The following RUSC2 variants were observed in gnomAD, a reference collection of about 807,000 sequenced individuals.
The protein encoded by RUSC2 is AP-4 complex accessory subunit RUSC2.
A neutral mutation model predicts 122.2 loss-of-function variants in RUSC2; 34 were observed. The ratio of observed to expected loss-of-function variants is 0.28; its 90% CI spans 0.21 to 0.37. The LOEUF (loss-of-function observed/expected upper bound fraction) is 0.37, where lower values mean the gene tolerates loss of function less well. Among genes scored for constraint, RUSC2 ranks in the 10% least tolerant of loss-of-function variants. The pLI, the probability that RUSC2 is intolerant of heterozygous loss-of-function variation, is 1.00. For missense variants in RUSC2, 1,747 were observed against 1,952.4 expected (o/e 0.89, Z 1.98); for synonymous variants, 784 against 790.0 (o/e 0.99, Z 0.13).
chr9:35,552,794 A>G (rs1821926970), intron 2 of RUSC2, among the ~76,000 whole-genome samples: 2 of 152,214 alleles, frequency 1.3e-5, no homozygotes, highest in South Asian at 4.1e-4. Flanking sequence ...GGTTTTCTTA[A>G]TGAATGTCAC....
At chr9:35,521,501 A>G (rs1026249740) in intron 1 of RUSC2, among the ~76,000 whole-genome samples, 1 of 152,212 alleles carries the variant, frequency 6.6e-6, no homozygotes, top group Non-Finnish European at 1.5e-5. Context: ...ATACTTTCCC[A>G]ATGCTGCAGT....
chr9:35,515,341 A>AT (rs1297110748), intron 1 of RUSC2, among the ~76,000 whole-genome samples: 3 of 151,884 alleles, frequency 2.0e-5, no homozygotes, highest in African/African-American at 7.3e-5. Context: ...CATACTTGTG[A>AT]TTTTTAGTAC....
Position 35,561,810 on chromosome 9 carries a change from G to A in RUSC2, c.*428G>A. The A allele has an allele frequency of 1.7e-6, 1 of 582,734 alleles. No individual in the cohort carries two copies. The allele number at this position is 582,734 out of a possible 1,614,324, so 36.1% of individuals were successfully genotyped here. ...TGTGGCCAGTGCCTGGTCATCAGAAGAGGGAGGAGGAGCCCAGGCGTCTGT... is the reference window on the plus strand; with the variant it reads ...TGTGGCCAGTGCCTGGTCATCAGAAAAGGGAGGAGGAGCCCAGGCGTCTGT... On this transcript the variant is annotated 3_prime_UTR_variant, in exon 12 of 12. Coordinates refer to ENST00000361226, the MANE Select transcript of RUSC2 (RefSeq NM_014806.5).
At position 35,559,208 on chromosome 9, in the gene RUSC2, T is replaced by C. The variant is rs750756809; in HGVS notation, c.3342-18T>C. ...GTATTCACACAAGACTCAACTCTCT[T>C]CACCTGTCTCCCTACAGCATCCGGT... On this transcript the variant is annotated intron_variant, in intron 8 of 11. Coordinates refer to ENST00000361226, the MANE Select transcript of RUSC2 (RefSeq NM_014806.5). 6.2e-7 allele frequency: 1 copy of C among 1,607,364 alleles called. No individual in the cohort carries two copies. Among genetic ancestry groups the C allele is most frequent in the East Asian group, 2.2e-5 (1 of 44,816 alleles).
At chr9:35,515,067 T>A (rs1821077718) in intron 1 of RUSC2, among the ~76,000 whole-genome samples, 1 of 152,134 alleles carries the variant, frequency 6.6e-6, no homozygotes, top group African/African-American at 2.4e-5. Context: ...AGAATAAATA[T>A]TTGATTGGCA....
chr9:35,512,060 A>G (rs934565333), intron 1 of RUSC2, among the ~76,000 whole-genome samples: 4 of 152,274 alleles, frequency 2.6e-5, no homozygotes, highest in Admixed American at 2.6e-4. Flanking sequence ...TGGCGCCTGT[A>G]GTCCCAGCTA....
At chr9:35,511,615 C>T (rs917433362) in intron 1 of RUSC2, among the ~76,000 whole-genome samples, 2 of 152,146 alleles carry the variant, frequency 1.3e-5, no homozygotes, top group African/African-American at 2.4e-5. Context: ...TTCAGTTCCT[C>T]GAACTTAGTT....
intron 1 of RUSC2, among the ~76,000 whole-genome samples, chr9:35,500,007 G>C (rs1208183743): frequency 6.6e-6 from 1 of 152,154 alleles, no homozygotes; most frequent in Non-Finnish European, 1.5e-5. Context: ...AAAGTTGGCT[G>C]TATTCTATTT....
At chr9:35,506,479 G>C (rs1820918664) in intron 1 of RUSC2, among the ~76,000 whole-genome samples, 1 of 152,160 alleles carries the variant, frequency 6.6e-6, no homozygotes, top group Non-Finnish European at 1.5e-5. Context: ...CCTGACAAAT[G>C]GTATAAGCTC....
intron 1 of RUSC2, among the ~76,000 whole-genome samples, chr9:35,513,903 C>CACAT (rs1448847953): frequency 9.6e-6 from 1 of 104,236 alleles, no homozygotes; most frequent in African/African-American, 3.7e-5. Flanking sequence ...CTTCAACAAA[C>CACAT]ATATATATAT....
rs1822133431 is a variant in RUSC2 at position 35,560,603 on chromosome 9, A to G, written c.3963A>G (p.Val1321=). ...AGGCTCCACCACCCCGAGAGGGAGT[A>G]GTGGAGGGGGCTGAGGCCTGCCCTG... is the stretch of plus-strand genomic sequence containing the variant. ...PPQAPPPREG[V]VEGAEACPAS... The change falls in exon 10 of 12, where the codon GTA becomes GTG. Residue 1321 remains valine, a synonymous_variant. Transcript: ENST00000361226. 1 of 1,612,622 alleles carries G rather than the reference A, an allele frequency of 6.2e-7. No homozygotes were observed. The highest frequency in any genetic ancestry group is 2.2e-5 in the East Asian group (1 of 44,826).
chr9:35,552,376 AAAAAAT>A (rs1390782045), intron 2 of RUSC2, among the ~76,000 whole-genome samples: 10 of 152,316 alleles, frequency 6.6e-5, no homozygotes, highest in South Asian at 4.1e-4. Context: ...AAAGTAAATT[AAAAAAT>A]AAAAATAAAA....
At chr9:35,503,728 A>G (rs930857191) in intron 1 of RUSC2, among the ~76,000 whole-genome samples, 1 of 152,202 alleles carries the variant, frequency 6.6e-6, no homozygotes, top group Non-Finnish European at 1.5e-5. Context: ...ATAGCAGTGT[A>G]TAAGTGTTCC....
intron 1 of RUSC2, among the ~76,000 whole-genome samples, chr9:35,523,583 A>G (rs2132520322): frequency 6.6e-6 from 1 of 152,278 alleles, no homozygotes; most frequent in Non-Finnish European, 1.5e-5. Flanking sequence ...TGGGAGGCTG[A>G]GGTGGCTGGA....
rs1821994101 is a variant in RUSC2, at chr9:35,555,474, C to T, written c.2429C>T (p.Ala810Val). 1.9e-6 allele frequency: 3 copies of T among 1,614,212 alleles called. No individual in the cohort carries two copies. In the African/African-American group the frequency reaches 4.0e-5, roughly 22 times the overall value. Residue 810 changes from alanine to valine, a missense_variant, in exon 3 of 12, where the codon GCC becomes GTC. By Grantham distance (64) the Ala-to-Val change is moderately conservative. Transcript: ENST00000361226. The surrounding 1 kb of genome is among the most constrained non-coding windows in gnomAD (Gnocchi z 4.6). ...TCCCCTCCCCCAGAGCAGCCCACAG[C>T]CACAGAAAGCCTGCCCCCATGGAGC... is the stretch of plus-strand genomic sequence containing the variant. Reference protein sequence around the residue: ...SCSPPPEQPTATESLPPWSHS... With the variant: ...SCSPPPEQPTVTESLPPWSHS...
Position 35,558,220 on chromosome 9 carries a change from G to A in RUSC2, c.3084G>A (p.Val1028=). The change falls in exon 7 of 12, where the codon GTG becomes GTA. Residue 1028 remains valine, a synonymous_variant. Coordinates refer to ENST00000361226, the MANE Select transcript of RUSC2 (RefSeq NM_014806.5). This position sits in a 1 kb window ranked among gnomAD's most constrained non-coding sequence, Gnocchi z 4.3. The part of the protein sequence containing the change: ...GVKAKLGNSS[V]SPNVGHLVLK... ...AGGCAAAGCTGGGAAACAGTTCTGT[G>A]AGCCCCAATGTGGGCCACCTGGTTC... is the stretch of plus-strand genomic sequence containing the variant. 1.2e-6 allele frequency: 2 copies of A among 1,613,722 alleles called. No individual in the cohort carries two copies. The highest frequency in any genetic ancestry group is 1.7e-6 in the Non-Finnish European group (2 of 1,180,010).
chr9:35,498,788 G>C (rs1025175716), intron 1 of RUSC2, among the ~76,000 whole-genome samples: 2 of 150,980 alleles, frequency 1.3e-5, no homozygotes, highest in African/African-American at 4.9e-5. Flanking sequence ...TTGAACCCAG[G>C]AGGCAGAGGT....
chr9:35,521,253 C>A lies in RUSC2; in HGVS notation c.-92-25177C>A, dbSNP rs191297103. Among the ~76,000 whole-genome samples the A allele has an allele frequency of 1.0e-3, 152 of 152,230 alleles. 1 individual carries two copies. Among genetic ancestry groups the A allele is most frequent in the Non-Finnish European group, 1.4e-3 (92 of 68,000 alleles). On this transcript the variant is annotated intron_variant, in intron 1 of 11. Transcript: ENST00000361226. ...TGAGCCCGCTGCTTCCAAACAGGTG[C>A]TACAAGTTGAGCTAAGGAGGGAATC...
chr9:35,516,416 C>G (rs1266800567), intron 1 of RUSC2, among the ~76,000 whole-genome samples: 1 of 151,550 alleles, frequency 6.6e-6, no homozygotes, highest in Non-Finnish European at 1.5e-5. Flanking sequence ...TGAGCCAATT[C>G]AAGTGTGGAT....
Sources: gnomAD v4.1 joint callset for allele counts (sites outside exome capture counted in the v4.1 genomes callset) on GRCh38, gnomAD v4.1.1 for gene constraint, Gnocchi (gnomAD v3.1) non-coding constraint, MANE v1.5 for transcripts, NCBI Gene and HGNC (gene_info 2026-07-23, HGNC 2026-07-21) for gene names.